UPF3B: variants seen among roughly 807,000 people sequenced by gnomAD.
UPF3B encodes the protein regulator of nonsense transcripts 3B.
UPF3B carries 7 observed loss-of-function variants against 40.3 expected under a neutral mutation model. That is an observed-to-expected ratio of 0.17 (90% CI 0.10 to 0.33). The LOEUF (loss-of-function observed/expected upper bound fraction) is 0.33. Among genes scored for constraint, UPF3B ranks in the 10% least tolerant of loss-of-function variants. The pLI, the probability that UPF3B is intolerant of heterozygous loss-of-function variation, is 1.00. For synonymous variants in UPF3B, 117 were observed against 117.3 expected, an observed-to-expected ratio of 1.00 and a Z score of 0.01; for missense variants, 229 against 358.9, an observed-to-expected ratio of 0.64 and a Z score of 2.93.
At chrX:119,848,493 G>C (rs760778015) in intron 3 of UPF3B, among the ~76,000 whole-genome samples, 1 of 105,328 alleles carries the variant, frequency 9.5e-6, no homozygotes, top group Non-Finnish European at 2.0e-5. Context: ...GTTGTTTAAT[G>C]GGTAAAGAGT....
At chrX:119,807,534 A>T in exon 6 of UPF3B, 1 of 860,459 alleles carries the variant, frequency 1.2e-6, no homozygotes, top group Middle Eastern at 6.0e-4. Context: ...ACCAGAATCG[A>T]CCTGGGCTTC....
intron 5 of UPF3B, among the ~76,000 whole-genome samples, chrX:119,811,407 G>A (rs955308504): frequency 9.0e-6 from 1 of 110,585 alleles, no homozygotes; most frequent in Non-Finnish European, 1.9e-5. Flanking sequence ...AGCACTTTGG[G>A]AGGCCGAGGT....
chrX:119,841,473 T>G (rs1187193029), intron 6 of UPF3B, among the ~76,000 whole-genome samples: 1 of 111,801 alleles, frequency 8.9e-6, no homozygotes, highest in East Asian at 2.8e-4. Context: ...TGCCTTACTA[T>G]CTCTCCAGAG....
At chrX:119,833,629 C>T (rs1488562491), downstream of UPF3B, among the ~76,000 whole-genome samples, 2 of 111,966 alleles carry the variant, frequency 1.8e-5, no homozygotes, top group African/African-American at 6.5e-5. Flanking sequence ...GCCTCAGCCT[C>T]CCGAGTAGCT....
chrX:119,814,763 G>A (rs2055848983), intron 5 of UPF3B, among the ~76,000 whole-genome samples: 1 of 110,375 alleles, frequency 9.1e-6, no homozygotes, highest in Non-Finnish European at 1.9e-5. Flanking sequence ...CAAAAGCAAT[G>A]AAATTGTACT....
intron 3 of UPF3B, among the ~76,000 whole-genome samples, chrX:119,827,679 G>A (rs1249244902): frequency 9.1e-6 from 1 of 109,951 alleles, no homozygotes; most frequent in Non-Finnish European, 1.9e-5. Context: ...GTAGGCGCGA[G>A]CTACCGCGCC....
chrX:119,851,395 T>C, intron 3 of UPF3B, 100 bp downstream of exon 3: 1 of 601,297 alleles, frequency 1.7e-6, no homozygotes, highest in East Asian at 3.4e-5. Flanking sequence ...AATAAGCTTA[T>C]TAAATGTGTA....
chrX:119,849,304 G>T (rs1294523489), intron 3 of UPF3B, among the ~76,000 whole-genome samples: 1 of 110,406 alleles, frequency 9.1e-6, no homozygotes, highest in Non-Finnish European at 1.9e-5. Flanking sequence ...GACCAGCCTG[G>T]CCAACATGGT....
rs751429085 is a variant in UPF3B, at chrX:119,819,243, G to A, written c.494+3699C>T. Among the ~76,000 whole-genome samples, 23 of 109,684 alleles carry A rather than the reference G, an allele frequency of 2.1e-4. No homozygotes were observed. The East Asian group carries it at 5.1e-3, about 24-fold the overall frequency. On this transcript the variant is annotated intron_variant, in intron 4 of 6. Coordinates refer to the UPF3B transcript ENST00000636792. Reference sequence around the variant, plus strand: ...TAATTTTTGTATTTTTAGTAGAAACGAGGTTTCACCATGTTGGTCAGGCTT... The same window carrying A: ...TAATTTTTGTATTTTTAGTAGAAACAAGGTTTCACCATGTTGGTCAGGCTT...
intron 10 of UPF3B, among the ~76,000 whole-genome samples, chrX:119,837,491 C>T (rs1201787200): frequency 9.3e-6 from 1 of 107,333 alleles, no homozygotes; most frequent in East Asian, 3.0e-4. Context: ...TGGTGGGCGC[C>T]TGTAGTCCCA....
downstream of UPF3B, among the ~76,000 whole-genome samples, chrX:119,829,299 G>A (rs1439707051): frequency 8.9e-6 from 1 of 112,446 alleles, no homozygotes; most frequent in Non-Finnish European, 1.9e-5. Flanking sequence ...AATTACAGGC[G>A]TCAGCCACCC....
At chrX:119,837,005 G>A (rs1452105621) in intron 10 of UPF3B, among the ~76,000 whole-genome samples, 6 of 106,045 alleles carry the variant, frequency 5.7e-5, no homozygotes, top group Admixed American at 2.1e-4. Context: ...ATACAATGGC[G>A]TGATCTCGGC....
chrX:119,832,281 C>T (rs1394720644), downstream of UPF3B, among the ~76,000 whole-genome samples: 2 of 111,564 alleles, frequency 1.8e-5, no homozygotes, highest in Non-Finnish European at 1.9e-5. Context: ...TTTTTTGAGA[C>T]GGAGTCTCAC....
At chrX:119,849,852 T>C (rs1470341599) in intron 3 of UPF3B, among the ~76,000 whole-genome samples, 1 of 111,141 alleles carries the variant, frequency 9.0e-6, no homozygotes, top group Admixed American at 9.6e-5. Flanking sequence ...GTGTGACTGT[T>C]TAAGGCTAGG....
chrX:119,840,599 T>G, intron 8 of UPF3B, 47 bp downstream of exon 8: 1 of 1,140,165 alleles, frequency 8.8e-7, no homozygotes, highest in Non-Finnish European at 1.2e-6. Flanking sequence ...AAGACCTGTG[T>G]GTGTGACATG....
At position 119,842,580 on chromosome X, in the gene UPF3B, T is replaced by TCTCTCA. The variant is rs1556379941; in HGVS notation, c.580+610_580+611insTGAGAG. Among the ~76,000 whole-genome samples the TCTCTCA allele has an allele frequency of 1.8e-3, 132 of 71,465 alleles. 1 individual carries two copies. Among genetic ancestry groups the TCTCTCA allele is most frequent in the African/African-American group, 7.7e-3 (126 of 16,371 alleles). The allele number at this position is 71,465 out of a possible 115,157, so 62.1% of individuals were successfully genotyped here. The stretch of plus-strand genomic sequence containing the variant: ...GGGCGACAGAGCAAGACTCCATCTC[T>TCTCTCA]CACACACACACACACACACACACAT... On this transcript the variant is annotated intron_variant, in intron 5 of 10. Coordinates refer to ENST00000276201, the MANE Select transcript of UPF3B (RefSeq NM_080632.3).
chrX:119,842,636 A>AGC (rs1393935933), intron 5 of UPF3B, among the ~76,000 whole-genome samples: 3 of 109,701 alleles, frequency 2.7e-5, no homozygotes, highest in Admixed American at 9.9e-5. Flanking sequence ...ACACAGAGAG[A>AGC]GAGCGAGCGA....
At chrX:119,825,163 T>C (rs2055967999) in intron 3 of UPF3B, among the ~76,000 whole-genome samples, 1 of 111,990 alleles carries the variant, frequency 8.9e-6, no homozygotes, top group Admixed American at 9.6e-5. Flanking sequence ...GAGGTTTAAT[T>C]GACTCACAGT....
chrX:119,834,817 T>C lies in UPF3B; in HGVS notation c.*61A>G. ...CTTTGCCCTGAAGGCACCTCTGGAT[T>C]GCTTAACGTGTGCTCTTTGGCTGCC... is the stretch of plus-strand genomic sequence containing the variant. On this transcript the variant is annotated 3_prime_UTR_variant, in exon 11 of 11. Coordinates refer to ENST00000276201, the MANE Select transcript of UPF3B (RefSeq NM_080632.3). The C allele has an allele frequency of 1.7e-6, 2 of 1,210,019 alleles. No homozygotes were observed. Among genetic ancestry groups the C allele is most frequent in the South Asian group, 1.8e-5 (1 of 56,942 alleles).
Sources: allele counts gnomAD v4.1 joint callset (sites outside exome capture counted in the v4.1 genomes callset), GRCh38; gene constraint gnomAD v4.1.1; transcripts MANE v1.5; gene names NCBI Gene and HGNC (gene_info 2026-07-23, HGNC 2026-07-21).